The following SOX6 variants were observed in gnomAD, a reference collection of about 807,000 sequenced individuals.
SOX6 encodes SRY-box transcription factor 6.
In SOX6, 11 loss-of-function variants were observed where a neutral mutation model predicts 97.8. The observed-to-expected ratio is 0.11, with a 90% CI of 0.07 to 0.19. SOX6 has a LOEUF of 0.19. SOX6 is among the 10% of genes least tolerant of loss of function. The pLI, the probability that SOX6 is intolerant of heterozygous loss-of-function variation, is 1.00. For synonymous variants in SOX6, 360 were observed against 371.4 expected (o/e 0.97, Z 0.35); for missense variants, 810 against 1,039.5 (o/e 0.78, Z 3.04).
At chr11:16,204,956 T>TAA (rs150449058) in intron 4 of SOX6, among the ~76,000 whole-genome samples, 3 of 151,476 alleles carry the variant, frequency 2.0e-5, no homozygotes, top group African/African-American at 7.3e-5. Context: ...TTCCTCTTTT[T>TAA]AAAAAAAAAT....
chr11:16,353,248 G>A (rs947345280), intron 1 of SOX6, among the ~76,000 whole-genome samples: 1 of 151,936 alleles, frequency 6.6e-6, no homozygotes, highest in Non-Finnish European at 1.5e-5. Context: ...AGCCTTGAGA[G>A]AAAACAAGAT....
chr11:16,385,831 A>G (rs1857967537), intron 1 of SOX6, among the ~76,000 whole-genome samples: 1 of 152,208 alleles, frequency 6.6e-6, no homozygotes, highest in South Asian at 2.1e-4. Flanking sequence ...TCCAAAGGAG[A>G]AAAATATGTA....
At chr11:16,247,447 C>T (rs1244524840) in intron 3 of SOX6, among the ~76,000 whole-genome samples, 1 of 152,040 alleles carries the variant, frequency 6.6e-6, no homozygotes, top group Admixed American at 6.6e-5. Context: ...AAAGAACTGC[C>T]CGAGACTGGG....
chr11:16,220,631 TTGG>T (rs35249855), intron 4 of SOX6, among the ~76,000 whole-genome samples: 72,043 of 151,266 alleles, frequency 0.48, 17,292 homozygotes, highest in South Asian at 0.61. Flanking sequence ...CAGGTCCCTA[TTGG>T]TGGCACATAT....
intron 11 of SOX6, among the ~76,000 whole-genome samples, chr11:16,049,142 G>A (rs974387358): frequency 3.3e-5 from 5 of 152,056 alleles, no homozygotes; most frequent in African/African-American, 9.7e-5. Context: ...GCTAGAAAAT[G>A]AAGGCTCTCT....
chr11:16,261,026 C>T (rs986756231), intron 3 of SOX6, among the ~76,000 whole-genome samples: 21 of 152,312 alleles, frequency 1.4e-4, no homozygotes, highest in African/African-American at 4.8e-4. Flanking sequence ...ATCTAACTAA[C>T]TCCTATTCAT....
intron 6 of SOX6, among the ~76,000 whole-genome samples, chr11:16,180,466 C>T (rs1851318436): frequency 6.6e-6 from 1 of 151,622 alleles, no homozygotes. Context: ...AAAAAATATG[C>T]TATTTCTGTC....
At chr11:16,715,068 A>C (rs1351832283) in intron 2 of SOX6, among the ~76,000 whole-genome samples, 2 of 152,222 alleles carry the variant, frequency 1.3e-5, no homozygotes, top group Non-Finnish European at 2.9e-5. Flanking sequence ...TACCTTGTAC[A>C]GCATGGGACC....
chr11:16,203,660 T>C (rs929830150), intron 4 of SOX6, among the ~76,000 whole-genome samples: 1 of 152,172 alleles, frequency 6.6e-6, no homozygotes, highest in African/African-American at 2.4e-5. Flanking sequence ...ATTGCCTACA[T>C]ATACACTTTT....
intron 4 of SOX6, among the ~76,000 whole-genome samples, chr11:16,202,874 G>A (rs1292270857): frequency 1.3e-5 from 2 of 152,088 alleles, no homozygotes; most frequent in Admixed American, 6.6e-5. Context: ...ATCTAAACCA[G>A]ATGAAGATAA....
At chr11:16,709,112 T>C (rs1848157807) in intron 3 of SOX6, among the ~76,000 whole-genome samples, 3 of 152,182 alleles carry the variant, frequency 2.0e-5, no homozygotes, top group Admixed American at 2.0e-4. Context: ...AATCCCAGTG[T>C]TGACAGAGGG....
At chr11:16,059,277 A>G (rs1198846552) in intron 9 of SOX6, among the ~76,000 whole-genome samples, 1 of 152,098 alleles carries the variant, frequency 6.6e-6, no homozygotes, top group African/African-American at 2.4e-5. Flanking sequence ...AGATACTCCA[A>G]TCTTAACACT....
chr11:16,029,645 A>T (rs944914353), intron 12 of SOX6, among the ~76,000 whole-genome samples: 1 of 151,910 alleles, frequency 6.6e-6, no homozygotes, highest in African/African-American at 2.4e-5. Context: ...CAAAAAAAAA[A>T]ACAAAAAAAA....
chr11:16,055,083 A>G (rs1847780391), intron 10 of SOX6, among the ~76,000 whole-genome samples: 1 of 152,200 alleles, frequency 6.6e-6, no homozygotes, highest in Non-Finnish European at 1.5e-5. Context: ...CATTCCTTAA[A>G]GCCCACATTT....
intron 1 of SOX6, among the ~76,000 whole-genome samples, chr11:16,380,179 A>G (rs1423359785): frequency 1.3e-5 from 2 of 151,942 alleles, no homozygotes; most frequent in Admixed American, 6.6e-5. Context: ...TTTATAGTAA[A>G]CAAAAAGTTC....
chr11:16,495,331 C>A (rs985242859), intron 4 of SOX6, among the ~76,000 whole-genome samples: 1 of 152,176 alleles, frequency 6.6e-6, no homozygotes, highest in African/African-American at 2.4e-5. Context: ...TGCCATGAGC[C>A]TGGAAATCAT....
intron 1 of SOX6, among the ~76,000 whole-genome samples, chr11:16,348,321 T>A (rs904841911): frequency 2.0e-5 from 3 of 152,124 alleles, no homozygotes; most frequent in African/African-American, 7.2e-5. Flanking sequence ...GTTTCTCCAA[T>A]TGAAGACAAT....
intron 4 of SOX6, among the ~76,000 whole-genome samples, chr11:16,534,821 C>A (rs1861283808): frequency 6.6e-6 from 1 of 152,178 alleles, no homozygotes; most frequent in South Asian, 2.1e-4. Flanking sequence ...CTTCGTCCAT[C>A]ACATCTTCAA....
chr11:16,601,258 G>A (rs371215796), intron 4 of SOX6, among the ~76,000 whole-genome samples: 16 of 152,248 alleles, frequency 1.1e-4, no homozygotes, highest in African/African-American at 1.9e-4. Context: ...CTAACCTCAT[G>A]AGAGCAGATA....
Sources: gnomAD v4.1 joint callset for allele counts (sites outside exome capture counted in the v4.1 genomes callset) on GRCh38, gnomAD v4.1.1 for gene constraint, MANE v1.5 for transcripts, NCBI Gene and HGNC (gene_info 2026-07-23, HGNC 2026-07-21) for gene names.